CERS6: variants seen among roughly 807,000 people sequenced by gnomAD.
The protein encoded by CERS6 is LAG1 homolog, ceramide synthase 6.
CERS6 carries 26 observed loss-of-function variants against 56.8 expected under a neutral mutation model. The ratio of observed to expected loss-of-function variants is 0.46; its 90% confidence interval spans 0.34 to 0.63. The LOEUF (loss-of-function observed/expected upper bound fraction) is 0.63. Among genes scored for constraint, CERS6 ranks in the 30% least tolerant of loss-of-function variants. The pLI is 0.01. For missense variants in CERS6, 415 were observed against 467.5 expected (o/e 0.89, Z 1.04); for synonymous variants, 164 against 173.3 (o/e 0.95, Z 0.42).
Position 168,523,075 on chromosome 2 carries a change from G to A in CERS6, c.171-24521G>A, listed in dbSNP as rs141248458. On this transcript the variant is annotated intron_variant, in intron 1 of 9. Coordinates refer to ENST00000305747, the MANE Select transcript of CERS6 (RefSeq NM_203463.3). ...TGATACTGACTAGGTGAAAACTGAT[G>A]ATCTTGTATAACAGAAGCATGTAGG... is the stretch of plus-strand genomic sequence containing the variant. 3.6e-3 allele frequency among the ~76,000 whole-genome samples: 549 copies of A among 152,306 alleles called. 3 individuals are homozygous for A. Among genetic ancestry groups the A allele is most frequent in the African/African-American group, 0.012 (494 of 41,556 alleles).
chr2:168,484,823 A>C (rs1694247068), intron 1 of CERS6, among the ~76,000 whole-genome samples: 1 of 152,084 alleles, frequency 6.6e-6, no homozygotes, highest in Non-Finnish European at 1.5e-5. Context: ...TACTCATTGG[A>C]AGCTGCCCTG....
intron 7 of CERS6, 25 bp downstream of exon 7, chr2:168,715,154 G>A (rs1687196739): frequency 6.3e-7 from 1 of 1,597,018 alleles, no homozygotes. Context: ...TCATCTTTAA[G>A]AATACAAAAT....
rs1043797198 is a variant in CERS6 at position 168,613,604 on chromosome 2, C to T, written c.408-17381C>T. Among the ~76,000 whole-genome samples, 5 of 152,264 alleles carry T rather than the reference C, an allele frequency of 3.3e-5. 1 individual carries two copies. The East Asian group carries it at 9.6e-4, about 29-fold the overall frequency. The stretch of plus-strand genomic sequence containing the variant: ...GAACTTAACGGTCTGATTGTTTCTC[C>T]AGAAGAGACACTTAAACTTGCCCAG... On this transcript the variant is annotated intron_variant, in intron 3 of 9. Coordinates refer to ENST00000305747, the MANE Select transcript of CERS6 (RefSeq NM_203463.3).
intron 8 of CERS6, among the ~76,000 whole-genome samples, chr2:168,723,730 TG>T (rs1473457169): frequency 6.6e-6 from 1 of 152,256 alleles, no homozygotes; most frequent in East Asian, 1.9e-4. Flanking sequence ...TGGTAATCTT[TG>T]TAGAAGCATC....
intron 4 of CERS6, among the ~76,000 whole-genome samples, chr2:168,673,396 A>G (rs73026562): frequency 0.051 from 7,750 of 152,272 alleles, 665 homozygotes; most frequent in African/African-American, 0.17. Flanking sequence ...CACTGGATAA[A>G]TTGGGTTATT....
chr2:168,631,033 C>A lies in CERS6; in HGVS notation c.456C>A (p.Phe152Leu). ...ATGTATTTACCTACGGAGTCAGATT[C>A]CTGAAAAAGGTAGGATCTCTCAAAC... Reference protein sequence around the residue: ...YLYVFTYGVRFLKKTPWLWNT... With the variant: ...YLYVFTYGVRLLKKTPWLWNT... The change falls in exon 4 of 10, where the codon TTC becomes TTA. Residue 152 changes from phenylalanine (F) to leucine (L), a missense_variant. By Grantham distance (22) the Phe-to-Leu change is conservative (BLOSUM62 0). Transcript: ENST00000305747. The A allele has an allele frequency of 1.3e-6, 2 of 1,510,350 alleles. No homozygotes were observed. Among genetic ancestry groups the A allele is most frequent in the Admixed American group, 1.8e-5 (1 of 54,646 alleles). 93.6% of individuals were successfully genotyped at this position (1,510,350 alleles called of 1,614,324 possible). A position where few individuals can be genotyped will look rare whatever the true frequency, so the allele number is the denominator to read the frequency against.
At chr2:168,738,745 G>T (rs2105423889) in intron 8 of CERS6, among the ~76,000 whole-genome samples, 1 of 152,276 alleles carries the variant, frequency 6.6e-6, no homozygotes, top group African/African-American at 2.4e-5. Context: ...AACCAACAGG[G>T]ATACAAAATG....
In CERS6 at chr2:168,547,596, A is replaced by T. The variant is rs780317964; in HGVS notation, c.171A>T (p.Arg57Ser). ...ACTTTTTTCTTTTTGTAATTTTTAGATTTGTAGCCAAACCGTGCGCCATAG... is the reference window on the plus strand; with the variant it reads ...ACTTTTTTCTTTTTGTAATTTTTAGTTTTGTAGCCAAACCGTGCGCCATAG... ...CIFMVRLIFE[R>S]FVAKPCAIAL... is the part of the protein sequence containing the mutation. Residue 57 changes from arginine to serine, a missense_variant and splice_region_variant, in exon 2 of 10, where the codon AGA becomes AGT. Arg to Ser is a moderately radical substitution (Grantham distance 110). Coordinates refer to ENST00000305747, the MANE Select transcript of CERS6 (RefSeq NM_203463.3). The T allele has an allele frequency of 6.2e-7, 1 of 1,610,598 alleles. No homozygotes were observed. The highest frequency in any genetic ancestry group is 1.7e-5 in the Admixed American group (1 of 59,946).
At chr2:168,607,133 T>A (rs974183422) in intron 3 of CERS6, among the ~76,000 whole-genome samples, 1 of 152,114 alleles carries the variant, frequency 6.6e-6, no homozygotes, top group African/African-American at 2.4e-5. Context: ...ATATTTTACA[T>A]TTTTAAATGG....
intron 4 of CERS6, among the ~76,000 whole-genome samples, chr2:168,637,760 C>A (rs1684896199): frequency 6.6e-6 from 1 of 152,010 alleles, no homozygotes; most frequent in Non-Finnish European, 1.5e-5. Flanking sequence ...ATGAAAGTAA[C>A]AATCTCATGT....
chr2:168,456,738 T>A lies in CERS6; in HGVS notation c.170+120T>A. The A allele has an allele frequency of 1.1e-6, 1 of 924,072 alleles. No homozygotes were observed. The highest frequency in any genetic ancestry group is 1.6e-6 in the Non-Finnish European group (1 of 615,226). 57.2% of individuals were successfully genotyped at this position (924,072 alleles called of 1,614,324 possible). ...ACGCTCGCGTTCACGCCTCCCAACCTTTGTGTTCGGGGAGGGGTTGCTGAC... is the reference window on the plus strand; with the variant it reads ...ACGCTCGCGTTCACGCCTCCCAACCATTGTGTTCGGGGAGGGGTTGCTGAC... On this transcript the variant is annotated intron_variant, in intron 1 of 9. Coordinates refer to ENST00000305747, the MANE Select transcript of CERS6 (RefSeq NM_203463.3). This position sits in a 1 kb window ranked among gnomAD's most constrained non-coding sequence, Gnocchi z 4.1.
intron 4 of CERS6, among the ~76,000 whole-genome samples, chr2:168,643,047 G>A (rs545796275): frequency 9.8e-5 from 15 of 152,316 alleles, no homozygotes; most frequent in Middle Eastern, 3.4e-3. Context: ...CCGAATGGGC[G>A]GAGGTAATAA....
chr2:168,518,822 T>C (rs2105354989), intron 1 of CERS6, among the ~76,000 whole-genome samples: 1 of 152,358 alleles, frequency 6.6e-6, no homozygotes, highest in Middle Eastern at 3.4e-3. Flanking sequence ...TGCCTTTCTC[T>C]GTTAACAGAT....
intron 2 of CERS6, among the ~76,000 whole-genome samples, chr2:168,554,990 T>G (rs1349763311): frequency 1.3e-5 from 2 of 152,102 alleles, no homozygotes; most frequent in Non-Finnish European, 2.9e-5. Context: ...AAATTCTGAT[T>G]TACCTCTGAG....
At chr2:168,570,406 G>T (rs539719828) in intron 3 of CERS6, among the ~76,000 whole-genome samples, 2 of 152,142 alleles carry the variant, frequency 1.3e-5, no homozygotes, top group South Asian at 4.1e-4. Flanking sequence ...CATGAGAAAT[G>T]TCAGAATACA....
chr2:168,601,448 A>G (rs1430303473), intron 3 of CERS6, among the ~76,000 whole-genome samples: 1 of 152,130 alleles, frequency 6.6e-6, no homozygotes, highest in Non-Finnish European at 1.5e-5. Flanking sequence ...CCAATGATGA[A>G]TTCTGATTAA....
At chr2:168,600,166 T>C (rs1188301290) in intron 3 of CERS6, among the ~76,000 whole-genome samples, 3 of 151,718 alleles carry the variant, frequency 2.0e-5, no homozygotes, top group Admixed American at 6.6e-5. Flanking sequence ...ACTATCCAAC[T>C]TATTATGCTG....
chr2:168,660,345 C>G (rs536980446), intron 4 of CERS6, among the ~76,000 whole-genome samples: 99 of 152,300 alleles, frequency 6.5e-4, no homozygotes, highest in African/African-American at 2.2e-3. Context: ...CCATGCCATG[C>G]CTAGCTAATT....
intron 3 of CERS6, among the ~76,000 whole-genome samples, chr2:168,576,951 G>A (rs966414168): frequency 1.3e-5 from 2 of 152,162 alleles, no homozygotes; most frequent in Non-Finnish European, 2.9e-5. Flanking sequence ...GCGTGAGGGA[G>A]GAGCAAACCT....
Sources: gnomAD v4.1 joint callset for allele counts (sites outside exome capture counted in the v4.1 genomes callset) on GRCh38, gnomAD v4.1.1 for gene constraint, Gnocchi (gnomAD v3.1) non-coding constraint, MANE v1.5 for transcripts, NCBI Gene and HGNC (gene_info 2026-07-23, HGNC 2026-07-21) for gene names.